MAPRE3: variants seen among roughly 807,000 people sequenced by gnomAD.
MAPRE3 encodes microtubule-associated protein RP/EB family member 3.
In MAPRE3, 2 loss-of-function variants were observed where a neutral mutation model predicts 30.5. The ratio of observed to expected loss-of-function variants is 0.07; its 90% CI spans 0.03 to 0.21. The LOEUF (loss-of-function observed/expected upper bound fraction) is 0.21, where lower values mean the gene tolerates loss of function less well. Among genes scored for constraint, MAPRE3 ranks in the 10% least tolerant of loss-of-function variants. The probability of loss-of-function intolerance (pLI) is 1.00; values close to 1 mark genes in which losing one functional copy is unlikely to be tolerated. For synonymous variants in MAPRE3, 110 were observed against 127.7 expected (o/e 0.86, Z 0.93); for missense variants, 204 against 351.8 (o/e 0.58, Z 3.36).
At position 26,985,999 on chromosome 2, in the gene MAPRE3, T is replaced by A. The variant is rs1866655; in HGVS notation, c.-8+15197T>A. On this transcript the variant is annotated intron_variant, in intron 1 of 6. Coordinates refer to ENST00000233121, the MANE Select transcript of MAPRE3 (RefSeq NM_012326.4). This position sits in a 1 kb window ranked among gnomAD's most constrained non-coding sequence, Gnocchi z 4.2. ...AGACCAGTGAGAGAATGACCTTTGT[T>A]GTTTTCAGCCACCCAGTTTGTGGTC... 0.38 allele frequency among the ~76,000 whole-genome samples: 57,657 copies of A among 151,980 alleles called. 11,366 individuals carry two copies. The highest frequency in any genetic ancestry group is 0.52 in the Admixed American group (7,904 of 15,260).
intron 1 of MAPRE3, among the ~76,000 whole-genome samples, chr2:26,974,909 A>G (rs1462893498): frequency 1.3e-5 from 2 of 152,242 alleles, no homozygotes; most frequent in Non-Finnish European, 2.9e-5. Flanking sequence ...TTCGTGATTT[A>G]GGTCCATCTT....
Position 27,023,429 on chromosome 2 carries a change from C to G in MAPRE3, c.219C>G (p.His73Gln), listed in dbSNP as rs1175651354. The change falls in exon 3 of 7, where the codon CAC becomes CAG. Residue 73 changes from histidine (H) to glutamine (Q), a missense_variant. His to Gln is a conservative substitution (Grantham distance 24). This residue lies in a region of MAPRE3 where 101 missense variants were observed against 205.4 expected (regional missense o/e 0.49). Transcript: ENST00000233121. ...FQAKLEHEYIHNFKVLQAAFK... is the reference protein window; with the variant it reads ...FQAKLEHEYIQNFKVLQAAFK... ...CCAAACTAGAGCACGAATACATCCACAACTTCAAGGTGCTGCAAGCAGCTT... is the reference window on the plus strand; with the variant it reads ...CCAAACTAGAGCACGAATACATCCAGAACTTCAAGGTGCTGCAAGCAGCTT... The G allele has an allele frequency of 6.2e-7, 1 of 1,614,194 alleles. No homozygotes were observed. The highest frequency in any genetic ancestry group is 2.2e-5 in the East Asian group (1 of 44,884).
chr2:27,007,036 C>T (rs2148216936), intron 1 of MAPRE3, among the ~76,000 whole-genome samples: 1 of 152,270 alleles, frequency 6.6e-6, no homozygotes, highest in South Asian at 2.1e-4. Flanking sequence ...TGTCTTTAGG[C>T]AGAAAAGCAG....
intron 1 of MAPRE3, among the ~76,000 whole-genome samples, chr2:26,996,233 G>C (rs147073580): frequency 0.016 from 2,442 of 151,554 alleles, 78 homozygotes; most frequent in African/African-American, 0.056. Context: ...GCTCACTGCA[G>C]CCTGGATCTC....
intron 1 of MAPRE3, chr2:27,002,247 C>CA: frequency 1.3e-5 from 2 of 152,294 alleles, no homozygotes; most frequent in Middle Eastern, 6.8e-3. Flanking sequence ...TTGGATGTGT[C>CA]ACAATTTATT....
At chr2:27,002,940 G>A (rs1666632010) in intron 1 of MAPRE3, 1 of 152,198 alleles carries the variant, frequency 6.6e-6, no homozygotes, top group African/African-American at 2.4e-5. Context: ...CCTACCTCAG[G>A]TATAATGGCC....
In MAPRE3 at chr2:27,026,377, A is replaced by ACG. The variant is rs2148231730; in HGVS notation, c.*29_*30insCG. On this transcript the variant is annotated 3_prime_UTR_variant, in exon 7 of 7. Coordinates refer to ENST00000233121, the MANE Select transcript of MAPRE3 (RefSeq NM_012326.4). ...CGGCCGCAGCCCTGGCTGACTGCAC[A>ACG]GCTTCCCCGTGCCTCCCTCCCTGCT... 1 of 1,587,358 alleles carries ACG rather than the reference A, an allele frequency of 6.3e-7. No homozygotes were observed. The highest frequency in any genetic ancestry group is 1.1e-5 in the South Asian group (1 of 89,450).
chr2:27,010,450 T>TTC (rs1319441265), intron 1 of MAPRE3, among the ~76,000 whole-genome samples: 1 of 149,274 alleles, frequency 6.7e-6, no homozygotes, highest in East Asian at 2.0e-4. Context: ...TTTTTTTTTT[T>TTC]TTTTTTTTGA....
At chr2:26,989,728 G>A (rs4665366) in intron 1 of MAPRE3, among the ~76,000 whole-genome samples, 56,241 of 152,020 alleles carry the variant, frequency 0.37, 10,877 homozygotes, top group Admixed American at 0.51. Context: ...GAGACTCTCC[G>A]GACTTCGTTT....
intron 1 of MAPRE3, among the ~76,000 whole-genome samples, chr2:27,003,671 C>T (rs548190034): frequency 3.9e-5 from 6 of 152,342 alleles, no homozygotes; most frequent in South Asian, 2.1e-4. Context: ...TTCCAGCTCA[C>T]GGCTTCTACC....
At chr2:26,999,877 A>C (rs1666551925) in intron 1 of MAPRE3, among the ~76,000 whole-genome samples, 1 of 152,124 alleles carries the variant, frequency 6.6e-6, no homozygotes, top group Admixed American at 6.6e-5. Context: ...ATTTTAGTGG[A>C]TAATACAAAT....
chr2:26,982,573 T>C (rs570217156), intron 1 of MAPRE3, among the ~76,000 whole-genome samples: 1 of 152,248 alleles, frequency 6.6e-6, no homozygotes, highest in Non-Finnish European at 1.5e-5. Context: ...GGAGCAAAAG[T>C]GCATTGTGTT....
intron 1 of MAPRE3, among the ~76,000 whole-genome samples, chr2:27,008,930 A>T (rs1350863187): frequency 1.3e-5 from 2 of 152,296 alleles, no homozygotes; most frequent in East Asian, 1.9e-4. Context: ...CGCTATGCTG[A>T]GAAGAAAAAA....
intron 1 of MAPRE3, among the ~76,000 whole-genome samples, chr2:26,984,026 G>A (rs1478754162): frequency 1.3e-5 from 2 of 152,192 alleles, no homozygotes; most frequent in African/African-American, 4.8e-5. Flanking sequence ...TTCCTCTGAA[G>A]AACACTCGAG....
intron 1 of MAPRE3, among the ~76,000 whole-genome samples, chr2:27,010,738 C>T (rs569507539): frequency 1.2e-3 from 183 of 152,218 alleles, no homozygotes; most frequent in Non-Finnish European, 2.3e-3. Flanking sequence ...CCACAGCACC[C>T]GGGCCCAATC....
chr2:26,974,206 C>T (rs1456379102), intron 1 of MAPRE3, among the ~76,000 whole-genome samples: 3 of 152,156 alleles, frequency 2.0e-5, no homozygotes, highest in Non-Finnish European at 4.4e-5. Context: ...TCATAATGTT[C>T]CAAAGGGTTT....
chr2:27,022,761 T>C lies in MAPRE3; in HGVS notation c.121+422T>C, dbSNP rs141664201. The C allele has an allele frequency of 8.0e-3, 1,443 of 179,410 alleles. 14 individuals carry two copies. Among genetic ancestry groups the C allele is most frequent in the South Asian group, 0.03 (244 of 8,170 alleles). 11.1% of individuals were successfully genotyped at this position (179,410 alleles called of 1,614,324 possible). A position where few individuals can be genotyped will look rare whatever the true frequency, so the allele number is the denominator to read the frequency against. ...GGTTCATCGTTGACCAAACCATCGT[T>C]ATGCAGCCCATAGCTGTAGCTTGTG... On this transcript the variant is annotated intron_variant, in intron 2 of 6. Transcript: ENST00000233121.
At chr2:27,010,863 G>C (rs1009793679) in intron 1 of MAPRE3, among the ~76,000 whole-genome samples, 26 of 152,216 alleles carry the variant, frequency 1.7e-4, no homozygotes, top group Non-Finnish European at 7.3e-5. Context: ...GATGACAAAT[G>C]CCTGATGTCC....
At chr2:27,003,682 C>T (rs1666656104) in intron 1 of MAPRE3, among the ~76,000 whole-genome samples, 1 of 152,210 alleles carries the variant, frequency 6.6e-6, no homozygotes, top group African/African-American at 2.4e-5. Flanking sequence ...GGCTTCTACC[C>T]AGATCCCTCA....
Sources: gnomAD v4.1 joint callset for allele counts (sites outside exome capture counted in the v4.1 genomes callset) on GRCh38, gnomAD v4.1.1 for gene constraint, gnomAD v4.1.1 regional missense constraint, Gnocchi (gnomAD v3.1) non-coding constraint, MANE v1.5 for transcripts, NCBI Gene and HGNC (gene_info 2026-07-23, HGNC 2026-07-21) for gene names.